Variants in CNTNAP2 observed in about 807,000 individuals in gnomAD.
The protein encoded by CNTNAP2 is contactin associated protein 2.
In CNTNAP2, 98 loss-of-function variants were observed where a neutral mutation model predicts 155.2. The observed-to-expected ratio is 0.63, with a 90% CI of 0.54 to 0.75. The LOEUF (loss-of-function observed/expected upper bound fraction) is 0.75. Among genes scored for constraint, CNTNAP2 ranks in the 30% least tolerant of loss-of-function variants. CNTNAP2 has a pLI of 0.00. For missense variants in CNTNAP2, 1,727 were observed against 1,688.1 expected, an observed-to-expected ratio of 1.02 and a Z score of -0.40; for synonymous variants, 651 against 631.2, an observed-to-expected ratio of 1.03 and a Z score of -0.47.
At chr7:147,456,102 C>T (rs558037439) in intron 10 of CNTNAP2, among the ~76,000 whole-genome samples, 1 of 152,062 alleles carries the variant, frequency 6.6e-6, no homozygotes, top group African/African-American at 2.4e-5. Flanking sequence ...TTGTTTATAT[C>T]TTCATCAAAA....
chr7:146,790,051 G>A (rs1186501212), intron 2 of CNTNAP2, among the ~76,000 whole-genome samples: 1 of 151,838 alleles, frequency 6.6e-6, no homozygotes, highest in African/African-American at 2.4e-5. Context: ...CTTTCATTTT[G>A]TTGTTGTTTA....
At chr7:146,935,272 T>C (rs1038463861) in intron 3 of CNTNAP2, among the ~76,000 whole-genome samples, 1 of 152,200 alleles carries the variant, frequency 6.6e-6, no homozygotes, top group African/African-American at 2.4e-5. Flanking sequence ...ACAATAGAAA[T>C]GAAAAGAGGT....
intron 7 of CNTNAP2, among the ~76,000 whole-genome samples, chr7:147,131,461 A>AT (rs1023577836): frequency 2.0e-5 from 3 of 151,782 alleles, no homozygotes; most frequent in Non-Finnish European, 4.4e-5. Context: ...AATGATAAAT[A>AT]TTTTTTTCTT....
At chr7:147,500,318 G>A (rs1211329696) in intron 11 of CNTNAP2, among the ~76,000 whole-genome samples, 1 of 151,998 alleles carries the variant, frequency 6.6e-6, no homozygotes, top group East Asian at 1.9e-4. Flanking sequence ...TGCAAAAACA[G>A]ACCAGCCTGG....
At chr7:147,668,271 T>C (rs1452800534) in intron 13 of CNTNAP2, among the ~76,000 whole-genome samples, 1 of 152,208 alleles carries the variant, frequency 6.6e-6, no homozygotes, top group Non-Finnish European at 1.5e-5. Flanking sequence ...ACCCCAAAAC[T>C]GAATGGTTCG....
chr7:146,260,281 C>T (rs532235524), intron 1 of CNTNAP2, among the ~76,000 whole-genome samples: 1 of 152,320 alleles, frequency 6.6e-6, no homozygotes, highest in East Asian at 1.9e-4. Context: ...TAGGGCAATG[C>T]AGAGGGGAAA....
intron 10 of CNTNAP2, among the ~76,000 whole-genome samples, chr7:147,403,062 C>T (rs934764479): frequency 2.0e-5 from 3 of 151,888 alleles, no homozygotes; most frequent in African/African-American, 7.3e-5. Flanking sequence ...GAAACATCTA[C>T]AATCCATTCT....
At chr7:146,241,843 C>CAT (rs1799568217) in intron 1 of CNTNAP2, among the ~76,000 whole-genome samples, 1 of 151,828 alleles carries the variant, frequency 6.6e-6, no homozygotes, top group African/African-American at 2.4e-5. Flanking sequence ...CACACAAACA[C>CAT]ACACGCACAC....
At chr7:148,094,387 T>C (rs1278336535) in intron 15 of CNTNAP2, among the ~76,000 whole-genome samples, 2 of 152,196 alleles carry the variant, frequency 1.3e-5, no homozygotes, top group East Asian at 3.8e-4. Flanking sequence ...TAACTAAGAC[T>C]AAGAAGAAAA....
chr7:148,210,363 C>A (rs1480895084), intron 18 of CNTNAP2, among the ~76,000 whole-genome samples: 1 of 152,210 alleles, frequency 6.6e-6, no homozygotes, highest in African/African-American at 2.4e-5. Context: ...GACCACCATG[C>A]ACAACAGGAA....
intron 1 of CNTNAP2, among the ~76,000 whole-genome samples, chr7:146,334,531 T>A (rs1262347520): frequency 6.9e-6 from 1 of 145,650 alleles, no homozygotes; most frequent in African/African-American, 2.8e-5. Flanking sequence ...TTCTCCTGTC[T>A]TCTTTCATGG....
chr7:146,349,958 C>T (rs1266523443), intron 1 of CNTNAP2, among the ~76,000 whole-genome samples: 1 of 151,490 alleles, frequency 6.6e-6, no homozygotes, highest in African/African-American at 2.4e-5. Context: ...TGGAGTTGCT[C>T]TTCTCGAGGA....
chr7:146,769,748 A>G (rs1235226762), intron 1 of CNTNAP2, among the ~76,000 whole-genome samples: 1 of 152,218 alleles, frequency 6.6e-6, no homozygotes, highest in Non-Finnish European at 1.5e-5. Flanking sequence ...AAGCTCAGAT[A>G]GTAAATAGTT....
intron 12 of CNTNAP2, among the ~76,000 whole-genome samples, chr7:147,586,730 C>T (rs1800634076): frequency 6.6e-6 from 1 of 152,104 alleles, no homozygotes; most frequent in African/African-American, 2.4e-5. Context: ...CAAGGGCAGC[C>T]AGACTAGTGA....
intron 12 of CNTNAP2, among the ~76,000 whole-genome samples, chr7:147,633,504 T>C (rs1252404216): frequency 2.6e-5 from 4 of 152,006 alleles, no homozygotes; most frequent in Non-Finnish European, 5.9e-5. Context: ...AAAGGCATGA[T>C]TGTGTTTTGA....
intron 14 of CNTNAP2, among the ~76,000 whole-genome samples, chr7:147,925,292 G>GCGCGCA (rs1345390357): frequency 3.5e-5 from 5 of 143,116 alleles, no homozygotes; most frequent in Admixed American, 6.9e-5. Flanking sequence ...AAGCGCGCGC[G>GCGCGCA]CACACACACA....
intron 8 of CNTNAP2, among the ~76,000 whole-genome samples, chr7:147,159,768 A>G (rs1277739006): frequency 6.6e-6 from 1 of 152,150 alleles, no homozygotes; most frequent in Non-Finnish European, 1.5e-5. Context: ...CATCATTTTG[A>G]GTCATCTAAC....
At chr7:147,358,586 T>C (rs549349195) in intron 9 of CNTNAP2, among the ~76,000 whole-genome samples, 1 of 152,050 alleles carries the variant, frequency 6.6e-6, no homozygotes, top group Non-Finnish European at 1.5e-5. Flanking sequence ...TTTTAACTAA[T>C]GTAAAGGGTA....
intron 1 of CNTNAP2, among the ~76,000 whole-genome samples, chr7:146,347,870 G>A (rs1006438765): frequency 1.3e-5 from 2 of 152,024 alleles, no homozygotes; most frequent in African/African-American, 4.8e-5. Flanking sequence ...TTCTTCTCTT[G>A]TTTCTTTCAA....
Sources: allele counts gnomAD v4.1 joint callset (sites outside exome capture counted in the v4.1 genomes callset), GRCh38; gene constraint gnomAD v4.1.1; transcripts MANE v1.5; gene names NCBI Gene and HGNC (gene_info 2026-07-23, HGNC 2026-07-21).